PCDH11Y: variants seen among roughly 807,000 people sequenced by gnomAD.
PCDH11Y encodes protocadherin-11 Y-linked.
For missense variants in PCDH11Y, 12 were observed against 224.8 expected (o/e 0.05, Z 6.05); for synonymous variants, 9 against 83.6 (o/e 0.11, Z 4.87).
chrY:5,373,948 T>C, intron 2 of PCDH11Y, among the ~76,000 whole-genome samples: 1 of 33,244 alleles, frequency 3.0e-5, no homozygotes, highest in South Asian at 6.6e-4. Context: ...GGTACAGCCA[T>C]AGATGATTTC....
chrY:5,147,346 T>G, intron 2 of PCDH11Y, among the ~76,000 whole-genome samples: 1 of 32,083 alleles, frequency 3.1e-5, no homozygotes, highest in African/African-American at 1.2e-4. Context: ...AAACATTAAG[T>G]ACACATAGAC....
chrY:5,563,000 C>A, intron 3 of PCDH11Y, among the ~76,000 whole-genome samples: 3 of 32,148 alleles, frequency 9.3e-5, no homozygotes, highest in Non-Finnish European at 2.3e-4. Context: ...TAATAATATA[C>A]AAAAATACCC....
At chrY:5,432,479 C>T in intron 2 of PCDH11Y, among the ~76,000 whole-genome samples, 1 of 33,088 alleles carries the variant, frequency 3.0e-5, no homozygotes, top group South Asian at 6.6e-4. Flanking sequence ...AGAAAAGTCT[C>T]GCCTGTACAA....
rs2052696072 is a variant in PCDH11Y, at chrY:5,069,621, G to GT, written c.636+12174dup. On this transcript the variant is annotated intron_variant, in intron 1 of 1. Transcript: ENST00000215473. The stretch of plus-strand genomic sequence containing the variant: ...TTTGTAAGAGAGGAATTTTTTTTTT[G>GT]TTTTTTTTTTTTCTTGAGACAGAGT... Among the ~76,000 whole-genome samples the GT allele has an allele frequency of 0.026, 711 of 26,898 alleles. No individual in the cohort carries two copies. In the East Asian group the frequency reaches 0.75, roughly 28 times the overall value. 72.2% of individuals were successfully genotyped at this position (26,898 alleles called of 37,273 possible).
At chrY:5,427,607 C>A in intron 2 of PCDH11Y, among the ~76,000 whole-genome samples, 2 of 33,352 alleles carry the variant, frequency 6.0e-5, no homozygotes, top group African/African-American at 1.2e-4. Context: ...AAACCTACAT[C>A]TGGCCAAATA....
chrY:5,049,924 A>AAT (rs2052648992), intron 3 of PCDH11Y, among the ~76,000 whole-genome samples: 1 of 32,782 alleles, frequency 3.1e-5, no homozygotes, highest in African/African-American at 1.2e-4. Flanking sequence ...TTTTCTATTC[A>AAT]TTTATTAATT....
intron 2 of PCDH11Y, among the ~76,000 whole-genome samples, chrY:5,420,402 T>C: frequency 3.1e-5 from 1 of 31,933 alleles, no homozygotes; most frequent in African/African-American, 1.2e-4. Flanking sequence ...ATCCAAAATA[T>C]GTGGAAATTT....
chrY:5,696,263 G>C, intron 4 of PCDH11Y, among the ~76,000 whole-genome samples: 2 of 32,466 alleles, frequency 6.2e-5, no homozygotes, highest in African/African-American at 1.2e-4. Context: ...TGGTTGGTAG[G>C]TTATTTATTA....
At chrY:5,704,261 G>A in intron 4 of PCDH11Y, among the ~76,000 whole-genome samples, 1 of 31,551 alleles carries the variant, frequency 3.2e-5, no homozygotes, top group East Asian at 8.3e-4. Context: ...ATGGATTAGC[G>A]CATTCATGAA....
chrY:5,193,229 C>T (rs764328045), intron 2 of PCDH11Y, among the ~76,000 whole-genome samples: 2,280 of 32,690 alleles, frequency 0.07, no homozygotes, highest in Non-Finnish European at 0.11. Flanking sequence ...TTAGTCTTAG[C>T]TTAATTTTTC....
chrY:5,551,444 G>A (rs2053418543), intron 3 of PCDH11Y, among the ~76,000 whole-genome samples: 1 of 32,827 alleles, frequency 3.0e-5, no homozygotes, highest in Admixed American at 2.8e-4. Flanking sequence ...CTCCCTCGGT[G>A]CTGTTGCTTT....
chrY:5,497,687 TTTAG>T (rs2053346907), intron 2 of PCDH11Y, among the ~76,000 whole-genome samples: 1 of 33,879 alleles, frequency 3.0e-5, no homozygotes, highest in Admixed American at 2.8e-4. Flanking sequence ...TTGACAATGT[TTTAG>T]TTAGTTTATT....
intron 2 of PCDH11Y, among the ~76,000 whole-genome samples, chrY:5,463,108 G>C: frequency 4.3e-5 from 1 of 23,257 alleles, no homozygotes; most frequent in Non-Finnish European, 9.7e-5. Flanking sequence ...CATAATTGTA[G>C]CTCTGTGCAC....
chrY:5,281,942 G>A (rs2053054288), intron 2 of PCDH11Y, among the ~76,000 whole-genome samples: 1 of 30,338 alleles, frequency 3.3e-5, no homozygotes, highest in Non-Finnish European at 7.9e-5. Flanking sequence ...AGTTTTCTAC[G>A]TAATGTGATT....
At chrY:5,567,899 G>A in intron 3 of PCDH11Y, among the ~76,000 whole-genome samples, 1 of 31,570 alleles carries the variant, frequency 3.2e-5, no homozygotes, top group Admixed American at 3.0e-4. Context: ...TAATATGTTT[G>A]GTTCAACAAG....
chrY:5,142,995 G>A, intron 2 of PCDH11Y, among the ~76,000 whole-genome samples: 2 of 32,995 alleles, frequency 6.1e-5, no homozygotes, highest in African/African-American at 2.4e-4. Flanking sequence ...TTTGAAATCA[G>A]TATTGAGGTA....
chrY:5,044,408 T>C (rs2052627987), intron 3 of PCDH11Y, among the ~76,000 whole-genome samples: 1 of 33,242 alleles, frequency 3.0e-5, no homozygotes, highest in Non-Finnish European at 7.4e-5. Flanking sequence ...AGTTTCCATG[T>C]AGTTGAGCGG....
At chrY:5,088,789 A>G (rs1602860391) in intron 1 of PCDH11Y, among the ~76,000 whole-genome samples, 2 of 31,982 alleles carry the variant, frequency 6.3e-5, no homozygotes, top group African/African-American at 2.4e-4. Flanking sequence ...ATATATAAAC[A>G]GTAGTTATGC....
intron 2 of PCDH11Y, among the ~76,000 whole-genome samples, chrY:5,446,747 A>G: frequency 2.9e-5 from 1 of 33,936 alleles, no homozygotes; most frequent in Non-Finnish European, 7.4e-5. Context: ...ATATGTTCTC[A>G]CAATTTCTAA....
Sources: allele counts gnomAD v4.1 joint callset (sites outside exome capture counted in the v4.1 genomes callset), GRCh38; gene constraint gnomAD v4.1.1; transcripts MANE v1.5; gene names NCBI Gene and HGNC (gene_info 2026-07-23, HGNC 2026-07-21).